Variants in TACC1 observed in about 807,000 individuals in gnomAD.
TACC1 encodes transforming acidic coiled-coil containing protein 1.
A neutral mutation model predicts 84.4 loss-of-function variants in TACC1; 48 were observed. The observed-to-expected ratio is 0.57, with a 90% CI of 0.45 to 0.72. The LOEUF is 0.72. Among genes scored for constraint, TACC1 ranks in the 30% least tolerant of loss-of-function variants. The probability of loss-of-function intolerance (pLI) is 0.00; values close to 1 mark genes in which losing one functional copy is unlikely to be tolerated. For synonymous variants in TACC1, 372 were observed against 376.3 expected (o/e 0.99, Z 0.13); for missense variants, 920 against 973.0 (o/e 0.95, Z 0.72).
chr8:38,776,851 C>T (rs1157957188), intron 3 of TACC1, among the ~76,000 whole-genome samples: 1 of 152,164 alleles, frequency 6.6e-6, no homozygotes, highest in Admixed American at 6.5e-5. Flanking sequence ...TCTTCCCATA[C>T]CTTCATCTAA....
chr8:38,767,916 A>G (rs1168734702), intron 3 of TACC1, among the ~76,000 whole-genome samples: 1 of 152,022 alleles, frequency 6.6e-6, no homozygotes, highest in Non-Finnish European at 1.5e-5. Context: ...AATTTTTTTA[A>G]AAATTAGCCA....
At chr8:38,789,069 G>A (rs1026152658) in intron 2 of TACC1, among the ~76,000 whole-genome samples, 1 of 152,022 alleles carries the variant, frequency 6.6e-6, no homozygotes, top group Non-Finnish European at 1.5e-5. Flanking sequence ...TTTCTCCTCA[G>A]CCCCTAAAAA....
intron 3 of TACC1, among the ~76,000 whole-genome samples, chr8:38,749,165 G>C (rs192590767): frequency 3.9e-5 from 6 of 152,248 alleles, no homozygotes; most frequent in Admixed American, 3.9e-4. Context: ...GACATTAAAT[G>C]TGTCACAGAT....
At chr8:38,830,270 A>AT (rs1421096645) in intron 5 of TACC1, among the ~76,000 whole-genome samples, 1 of 151,848 alleles carries the variant, frequency 6.6e-6, no homozygotes, top group Non-Finnish European at 1.5e-5. Flanking sequence ...TGGTTATTTT[A>AT]TTTTTTATTT....
intron 11 of TACC1, among the ~76,000 whole-genome samples, chr8:38,843,810 A>G (rs1298943340): frequency 6.6e-6 from 1 of 152,162 alleles, no homozygotes; most frequent in Non-Finnish European, 1.5e-5. Context: ...TTTATTTAAC[A>G]ATCCCCTCCT....
chr8:38,770,974 C>T (rs2151887711), intron 3 of TACC1, among the ~76,000 whole-genome samples: 1 of 152,242 alleles, frequency 6.6e-6, no homozygotes, highest in Admixed American at 6.5e-5. Context: ...CCAGGGAATG[C>T]CTCTACCAGT....
At position 38,744,378 on chromosome 8, in the gene TACC1, A is replaced by C. The variant is rs192445078; in HGVS notation, c.-573-517A>C. Among the ~76,000 whole-genome samples, 18 of 152,220 alleles carry C rather than the reference A, an allele frequency of 1.2e-4. No homozygotes were observed. The East Asian group carries it at 3.5e-3, about 29-fold the overall frequency. Reference sequence around the variant, plus strand: ...TGATCCACCCGTCTCAGCCTCCCAAAGTGCTGGGATTACAGGCAGGAGCCA... The same window carrying C: ...TGATCCACCCGTCTCAGCCTCCCAACGTGCTGGGATTACAGGCAGGAGCCA... On this transcript the variant is annotated intron_variant, in intron 2 of 14. Coordinates refer to the TACC1 transcript ENST00000518415.
At chr8:38,788,026 C>T (rs1817700655) in intron 1 of TACC1, 4 of 442,682 alleles carry the variant, frequency 9.0e-6, no homozygotes, top group Non-Finnish European at 1.2e-5. Flanking sequence ...TAAGCTTCGA[C>T]CCCCAGCCCC....
intron 6 of TACC1, among the ~76,000 whole-genome samples, chr8:38,831,841 T>A (rs910399274): frequency 2.6e-5 from 4 of 151,046 alleles, no homozygotes; most frequent in Non-Finnish European, 5.9e-5. Context: ...AGTTTCACTC[T>A]TGTCACCCAG....
intron 2 of TACC1, among the ~76,000 whole-genome samples, chr8:38,806,958 A>G (rs1563651315): frequency 1.3e-5 from 2 of 152,328 alleles, no homozygotes; most frequent in South Asian, 4.1e-4. Context: ...TGGAGTTTTC[A>G]TACCCTCGCC....
intron 3 of TACC1, among the ~76,000 whole-genome samples, chr8:38,760,469 A>G (rs971574170): frequency 7.9e-5 from 12 of 152,226 alleles, no homozygotes; most frequent in African/African-American, 2.9e-4. Context: ...CATTGGAAAT[A>G]CAGTTATTTA....
intron 2 of TACC1, chr8:38,802,400 C>G (rs774318521): frequency 6.6e-6 from 1 of 152,164 alleles, no homozygotes; most frequent in Non-Finnish European, 1.5e-5. Flanking sequence ...GAGTGCGAAC[C>G]CTGTTGTGAA....
intron 1 of TACC1, among the ~76,000 whole-genome samples, chr8:38,737,805 G>A (rs1012198964): frequency 1.6e-4 from 24 of 150,782 alleles, no homozygotes; most frequent in Admixed American, 4.0e-4. Flanking sequence ...TCGGCTCACC[G>A]CAACCTCTGC....
At chr8:38,831,260 C>CACA in intron 6 of TACC1, 83 bp downstream of exon 6, 1 of 1,409,768 alleles carries the variant, frequency 7.1e-7, no homozygotes, top group Non-Finnish European at 1.0e-6. Context: ...TTGTTAAATT[C>CACA]TGGTCAGTGT....
At chr8:38,738,195 G>A (rs1018247423) in intron 1 of TACC1, among the ~76,000 whole-genome samples, 2 of 152,048 alleles carry the variant, frequency 1.3e-5, no homozygotes, top group African/African-American at 4.8e-5. Context: ...GACGCTAGGA[G>A]TTCAAGACCA....
chr8:38,729,335 G>C (rs1344231685), intron 1 of TACC1, among the ~76,000 whole-genome samples: 1 of 152,230 alleles, frequency 6.6e-6, no homozygotes, highest in African/African-American at 2.4e-5. Flanking sequence ...CTCAGGTGCT[G>C]TCTTAAACGT....
intron 3 of TACC1, among the ~76,000 whole-genome samples, chr8:38,779,914 T>C (rs1205678937): frequency 6.6e-6 from 1 of 152,218 alleles, no homozygotes; most frequent in Non-Finnish European, 1.5e-5. Context: ...GTCTAACACA[T>C]AGTAAGCAGT....
intron 5 of TACC1, among the ~76,000 whole-genome samples, chr8:38,829,891 T>C (rs1407349211): frequency 6.6e-6 from 1 of 152,228 alleles, no homozygotes; most frequent in Admixed American, 6.5e-5. Flanking sequence ...AGGTGAATCC[T>C]GACTGTGTCC....
At chr8:38,815,821 T>TA (rs1466935965) in intron 2 of TACC1, among the ~76,000 whole-genome samples, 1 of 152,056 alleles carries the variant, frequency 6.6e-6, no homozygotes, top group Non-Finnish European at 1.5e-5. Context: ...GCAAAATAAC[T>TA]AAATCAGAGT....
Sources: allele counts gnomAD v4.1 joint callset (sites outside exome capture counted in the v4.1 genomes callset), GRCh38; gene constraint gnomAD v4.1.1; transcripts MANE v1.5; gene names NCBI Gene and HGNC (gene_info 2026-07-23, HGNC 2026-07-21).